AKAP3: variants seen among roughly 807,000 people sequenced by gnomAD.
AKAP3 encodes A-kinase anchor protein 3.
A neutral mutation model predicts 57.2 loss-of-function variants in AKAP3; 27 were observed. That is an observed-to-expected ratio of 0.47 (90% CI 0.35 to 0.65). The LOEUF (loss-of-function observed/expected upper bound fraction) is 0.65, where lower values mean the gene tolerates loss of function less well. Ranked by LOEUF, AKAP3 falls within the 30% of genes least tolerant of loss-of-function variation. AKAP3 has a pLI of 0.01. For missense variants in AKAP3, 959 were observed against 1,040.0 expected (o/e 0.92, Z 1.07); for synonymous variants, 334 against 392.3 (o/e 0.85, Z 1.76).
Position 4,631,323 on chromosome 12 carries a change from T to A in AKAP3, c.97-2518A>T, listed in dbSNP as rs1187787584. ...ACAGCATTTTTTGTCCATCTTAAGCTCACCAACTAAGACGTTTGTGCTCAC... is the reference window on the plus strand; with the variant it reads ...ACAGCATTTTTTGTCCATCTTAAGCACACCAACTAAGACGTTTGTGCTCAC... On this transcript the variant is annotated intron_variant, in intron 4 of 5. Transcript: ENST00000228850. 5 of 701,704 alleles carry A rather than the reference T, an allele frequency of 7.1e-6. No homozygotes were observed. In the Admixed American group the frequency reaches 1.0e-4, roughly 14 times the overall value. The allele number at this position is 701,704 out of a possible 1,614,324, so 43.5% of individuals were successfully genotyped here.
intron 5 of AKAP3, among the ~76,000 whole-genome samples, chr12:4,621,187 G>A (rs759571873): frequency 1.1e-4 from 17 of 148,476 alleles, no homozygotes; most frequent in Admixed American, 6.1e-4. Flanking sequence ...ACTGTACAAC[G>A]TGTTTTAAGC....
chr12:4,630,020 C>G (rs7132387), intron 4 of AKAP3, among the ~76,000 whole-genome samples: 2,419 of 152,232 alleles, frequency 0.016, 56 homozygotes, highest in African/African-American at 0.055. Context: ...GGGAAAAACT[C>G]TGAAACACAG....
chr12:4,634,099 A>G (rs1488087004), intron 4 of AKAP3, among the ~76,000 whole-genome samples: 1 of 152,098 alleles, frequency 6.6e-6, no homozygotes, highest in African/African-American at 2.4e-5. Flanking sequence ...CTAACAGTCC[A>G]ACACTTAAAC....
intron 5 of AKAP3, among the ~76,000 whole-genome samples, chr12:4,618,855 A>C (rs1009568687): frequency 2.6e-5 from 4 of 152,226 alleles, no homozygotes; most frequent in African/African-American, 9.6e-5. Flanking sequence ...TTTGCTCTTC[A>C]AAAGACTCCA....
chr12:4,623,185 C>T (rs1945366296), intron 5 of AKAP3, among the ~76,000 whole-genome samples: 1 of 152,172 alleles, frequency 6.6e-6, no homozygotes, highest in South Asian at 2.1e-4. Flanking sequence ...CAACCATTGT[C>T]AAAAGCAGTG....
At chr12:4,622,285 A>G (rs767180450) in intron 5 of AKAP3, among the ~76,000 whole-genome samples, 5 of 152,194 alleles carry the variant, frequency 3.3e-5, no homozygotes, top group Non-Finnish European at 5.9e-5. Context: ...ACTATTTTAA[A>G]ATTCATATGG....
chr12:4,631,370 G>C (rs182169910), intron 4 of AKAP3: 3 of 700,562 alleles, frequency 4.3e-6, no homozygotes, highest in East Asian at 5.4e-5. Flanking sequence ...AGTGCTCCTT[G>C]ATGTCCGGAC....
rs1945417089 is a variant in AKAP3, at chr12:4,626,714, G to A, written c.2188C>T (p.Leu730=). 1.2e-6 allele frequency: 2 copies of A among 1,613,850 alleles called. No individual in the cohort carries two copies. The highest frequency in any genetic ancestry group is 2.7e-5 in the African/African-American group (2 of 74,792). The change falls in exon 5 of 6, where the codon CTG becomes TTG. Residue 730 remains leucine (L), a synonymous_variant. Coordinates refer to ENST00000228850, the MANE Select transcript of AKAP3 (RefSeq NM_001278309.2). The stretch of plus-strand genomic sequence containing the variant: ...TGGATAGCTTGATAGGCATTCTGCA[G>A]GACAGCTTCTGCTGACCCTGTGCCC... ...AKGTGSAEAV[L]QNAYQAIHNE...
chr12:4,624,824 G>GTGTGTGTGTGTGTGTGTGTATA (rs143324716), intron 5 of AKAP3, among the ~76,000 whole-genome samples: 37 of 141,098 alleles, frequency 2.6e-4, no homozygotes, highest in African/African-American at 9.1e-4. Flanking sequence ...GTGTGTGTGT[G>GTGTGTGTGTGTGTGTGTGTATA]TATATAAAAG....
intron 4 of AKAP3, chr12:4,631,493 A>C: frequency 1.7e-6 from 1 of 588,884 alleles, no homozygotes; most frequent in South Asian, 2.2e-5. Flanking sequence ...TCTGTAATTC[A>C]AAAAATGTTA....
Position 4,645,137 on chromosome 12 carries a change from C to T in AKAP3, c.-189G>A, listed in dbSNP as rs1022643589. ...ATGAAGATGCTGGGATGTTCTTGCT[C>T]AGCTCAAGATCTTGTTTCTTCCTGT... On this transcript the variant is annotated 5_prime_UTR_variant, in exon 2 of 6. Coordinates refer to ENST00000228850, the MANE Select transcript of AKAP3 (RefSeq NM_001278309.2). 1 of 152,248 alleles carries T rather than the reference C, an allele frequency of 6.6e-6. No individual in the cohort carries two copies. Among genetic ancestry groups the T allele is most frequent in the Non-Finnish European group, 1.5e-5 (1 of 68,086 alleles). 9.4% of individuals were successfully genotyped at this position (152,248 alleles called of 1,614,324 possible).
chr12:4,621,887 TACA>T (rs928892632), intron 5 of AKAP3, among the ~76,000 whole-genome samples: 30 of 151,878 alleles, frequency 2.0e-4, no homozygotes, highest in Admixed American at 6.6e-4. Context: ...AGAAACAAAC[TACA>T]ACAACAACAA....
chr12:4,638,273 G>T (rs960213787), intron 3 of AKAP3, 77 bp from the exon 4 acceptor site: 5 of 1,031,106 alleles, frequency 4.8e-6, no homozygotes, highest in East Asian at 2.4e-5. Context: ...ATGTGGTAAA[G>T]GGCTAAAGCA....
chr12:4,648,454 C>T (rs1945725392), intron 1 of AKAP3: 2 of 152,188 alleles, frequency 1.3e-5, no homozygotes, highest in Non-Finnish European at 2.9e-5. Flanking sequence ...TAATTACCAC[C>T]TTGGATAGGA....
Position 4,615,542 on chromosome 12 carries a change from C to T in AKAP3, c.*197G>A, listed in dbSNP as rs1008833153. Reference sequence around the variant, plus strand: ...CTTTAATTGTAATTTTTTAATTTTACGTCCTTGCTTGCATGGACAGGAAAA... The same window carrying T: ...CTTTAATTGTAATTTTTTAATTTTATGTCCTTGCTTGCATGGACAGGAAAA... On this transcript the variant is annotated 3_prime_UTR_variant, in exon 6 of 6. Transcript: ENST00000228850. 10 of 571,040 alleles carry T rather than the reference C, an allele frequency of 1.8e-5. No individual in the cohort carries two copies. Among genetic ancestry groups the T allele is most frequent in the African/African-American group, 5.7e-5 (3 of 52,464 alleles). 35.4% of individuals were successfully genotyped at this position (571,040 alleles called of 1,614,324 possible).
rs374817430 is a variant in AKAP3 at position 4,641,062 on chromosome 12, C to CTTTTT, written c.-1+832_-1+836dup. 3.2e-4 allele frequency among the ~76,000 whole-genome samples: 22 copies of CTTTTT among 68,698 alleles called. 3 individuals are homozygous for CTTTTT. The highest frequency in any genetic ancestry group is 1.6e-3 in the South Asian group (2 of 1,226). 45.1% of individuals were successfully genotyped at this position (68,698 alleles called of 152,430 possible). On this transcript the variant is annotated intron_variant, in intron 3 of 5. Coordinates refer to ENST00000228850, the MANE Select transcript of AKAP3 (RefSeq NM_001278309.2). ...TCTCTGAGACAGATTTTCTAACTTCCTTTTTTTTTTTTTTTTTTTTTTTTT... is the reference window on the plus strand; with the variant it reads ...TCTCTGAGACAGATTTTCTAACTTCCTTTTTTTTTTTTTTTTTTTTTTTTTTTTTT...
At chr12:4,637,776 CTGTT>C (rs1945584817) in intron 4 of AKAP3, among the ~76,000 whole-genome samples, 1 of 152,036 alleles carries the variant, frequency 6.6e-6, no homozygotes, top group South Asian at 2.1e-4. Flanking sequence ...CAATTCCTCT[CTGTT>C]TGAAAATTAA....
At chr12:4,621,650 G>C (rs1237815021) in intron 5 of AKAP3, among the ~76,000 whole-genome samples, 1 of 152,140 alleles carries the variant, frequency 6.6e-6, no homozygotes, top group Non-Finnish European at 1.5e-5. Flanking sequence ...GGCTATACCA[G>C]CTAGGTTTGT....
chr12:4,626,366 T>A, intron 5 of AKAP3, 130 bp downstream of exon 5: 1 of 1,149,064 alleles, frequency 8.7e-7, no homozygotes, highest in Non-Finnish European at 1.2e-6. Flanking sequence ...CCAGGAGGCA[T>A]GATCTTCAAA....
Sources: allele counts gnomAD v4.1 joint callset (sites outside exome capture counted in the v4.1 genomes callset), GRCh38; gene constraint gnomAD v4.1.1; transcripts MANE v1.5; gene names NCBI Gene and HGNC (gene_info 2026-07-23, HGNC 2026-07-21).